FTO: variants seen among roughly 807,000 people sequenced by gnomAD.
FTO encodes the protein alpha-ketoglutarate-dependent dioxygenase FTO.
In FTO, 47 loss-of-function variants were observed where a neutral mutation model predicts 63.9. That is an observed-to-expected ratio of 0.74 (90% confidence interval 0.58 to 0.94). The LOEUF (loss-of-function observed/expected upper bound fraction) is 0.94, where lower values mean the gene tolerates loss of function less well. FTO is among the 40% of genes least tolerant of loss of function. The probability of loss-of-function intolerance (pLI) is 0.00; values close to 1 mark genes in which losing one functional copy is unlikely to be tolerated. For synonymous variants in FTO, 207 were observed against 224.4 expected (o/e 0.92, Z 0.69); for missense variants, 562 against 618.1 (o/e 0.91, Z 0.96).
At chr16:53,774,260 C>T (rs950638971) in intron 1 of FTO, among the ~76,000 whole-genome samples, 1 of 152,132 alleles carries the variant, frequency 6.6e-6, no homozygotes, top group Non-Finnish European at 1.5e-5. Flanking sequence ...TTATAATACG[C>T]ACCCTTGTGT....
chr16:54,016,970 TG>T (rs1377833767), intron 8 of FTO, among the ~76,000 whole-genome samples: 2 of 152,198 alleles, frequency 1.3e-5, no homozygotes, highest in Non-Finnish European at 2.9e-5. Flanking sequence ...CTTGATTATT[TG>T]TTCCATGTTG....
intron 8 of FTO, among the ~76,000 whole-genome samples, chr16:54,081,657 G>A (rs2086144980): frequency 6.6e-6 from 1 of 152,200 alleles, no homozygotes; most frequent in Admixed American, 6.5e-5. Context: ...ATTGTTTGGA[G>A]ATAGGGCATG....
intron 1 of FTO, among the ~76,000 whole-genome samples, chr16:53,792,386 A>G (rs1228023624): frequency 6.6e-6 from 1 of 152,226 alleles, no homozygotes; most frequent in Non-Finnish European, 1.5e-5. Context: ...TCTGATGATT[A>G]TACAGCCTGT....
At chr16:53,916,372 C>A (rs1405044641) in intron 7 of FTO, among the ~76,000 whole-genome samples, 1 of 151,996 alleles carries the variant, frequency 6.6e-6, no homozygotes, top group Non-Finnish European at 1.5e-5. Flanking sequence ...ACAATCGTTT[C>A]TTTTATTCTA....
intron 1 of FTO, among the ~76,000 whole-genome samples, chr16:53,724,971 C>T (rs2076122008): frequency 6.6e-6 from 1 of 152,150 alleles, no homozygotes; most frequent in Non-Finnish European, 1.5e-5. Flanking sequence ...GGATCTGCCT[C>T]TCCTAAATTC....
intron 1 of FTO, among the ~76,000 whole-genome samples, chr16:53,746,388 G>C (rs1408451894): frequency 6.6e-6 from 1 of 152,094 alleles, no homozygotes; most frequent in Non-Finnish European, 1.5e-5. Flanking sequence ...CAGGTAACTT[G>C]AGCAAGACAA....
chr16:54,075,222 A>G (rs2144482968), intron 8 of FTO, among the ~76,000 whole-genome samples: 1 of 152,266 alleles, frequency 6.6e-6, no homozygotes, highest in Admixed American at 6.5e-5. Context: ...AGAGATCATT[A>G]GATTGGATTT....
chr16:53,754,530 C>T (rs774019286), intron 1 of FTO, among the ~76,000 whole-genome samples: 3 of 152,000 alleles, frequency 2.0e-5, no homozygotes, highest in African/African-American at 4.8e-5. Flanking sequence ...CCCAGCTATT[C>T]GGGAGGCTGA....
intron 8 of FTO, among the ~76,000 whole-genome samples, chr16:54,105,702 C>T (rs1233202333): frequency 6.6e-6 from 1 of 152,000 alleles, no homozygotes; most frequent in Non-Finnish European, 1.5e-5. Context: ...AGAATTCCCT[C>T]TTAGGAGTTC....
intron 8 of FTO, among the ~76,000 whole-genome samples, chr16:54,029,740 G>C (rs2084788136): frequency 6.6e-6 from 1 of 152,142 alleles, no homozygotes; most frequent in South Asian, 2.1e-4. Flanking sequence ...TGGTGACGGG[G>C]AGAATGATAT....
At chr16:53,927,134 C>T (rs574953751) in intron 7 of FTO, among the ~76,000 whole-genome samples, 19 of 152,292 alleles carry the variant, frequency 1.2e-4, no homozygotes, top group African/African-American at 3.9e-4. Flanking sequence ...GTGAGATGGA[C>T]ACAGACAGAT....
chr16:53,845,083 T>C (rs566026253), intron 4 of FTO, among the ~76,000 whole-genome samples: 85 of 152,304 alleles, frequency 5.6e-4, no homozygotes, highest in African/African-American at 2.0e-3. Context: ...TTTTCTTCTT[T>C]GCTGTAAGTT....
intron 8 of FTO, among the ~76,000 whole-genome samples, chr16:54,103,985 A>G (rs1258237851): frequency 6.6e-6 from 1 of 152,178 alleles, no homozygotes; most frequent in African/African-American, 2.4e-5. Context: ...AGAATTATAC[A>G]TGGAAATCCC....
At chr16:53,805,067 T>G (rs2078327321) in intron 1 of FTO, among the ~76,000 whole-genome samples, 1 of 152,212 alleles carries the variant, frequency 6.6e-6, no homozygotes, top group Non-Finnish European at 1.5e-5. Context: ...CATCACTGTA[T>G]TTTGAAAAGA....
At position 53,910,442 on chromosome 16, in the gene FTO, T is replaced by C. The variant is rs536313604; in HGVS notation, c.1239+21491T>C. 3.3e-5 allele frequency among the ~76,000 whole-genome samples: 5 copies of C among 152,256 alleles called. No individual in the cohort carries two copies. The South Asian group carries it at 6.2e-4, about 19-fold the overall frequency. On this transcript the variant is annotated intron_variant, in intron 7 of 8. Coordinates refer to ENST00000471389, the MANE Select transcript of FTO (RefSeq NM_001080432.3). ...GACTAGAGAGGAGAGGCTGGAGGCA[T>C]GGGGACCTGCTGCAAAAATTTTGCT...
chr16:53,946,364 A>T (rs1173262381), intron 8 of FTO, among the ~76,000 whole-genome samples: 1 of 151,702 alleles, frequency 6.6e-6, no homozygotes, highest in African/African-American at 2.4e-5. Flanking sequence ...GTTTGATGGG[A>T]CTCTTCTGAT....
chr16:53,800,942 A>T (rs1021013872), intron 1 of FTO, among the ~76,000 whole-genome samples: 4 of 152,104 alleles, frequency 2.6e-5, no homozygotes, highest in Non-Finnish European at 5.9e-5. Context: ...ATACAATTTC[A>T]CAATGTCTTG....
chr16:53,712,525 C>G (rs982129031), intron 1 of FTO, among the ~76,000 whole-genome samples: 10 of 152,136 alleles, frequency 6.6e-5, no homozygotes, highest in Admixed American at 1.3e-4. Context: ...AATACTGTAC[C>G]TTACTTGAAA....
chr16:53,852,395 T>A (rs923585938), intron 4 of FTO, among the ~76,000 whole-genome samples: 1 of 152,232 alleles, frequency 6.6e-6, no homozygotes, highest in Non-Finnish European at 1.5e-5. Context: ...CCTTAATTAC[T>A]TTCCTTAGAA....
Sources: allele counts gnomAD v4.1 joint callset (sites outside exome capture counted in the v4.1 genomes callset), GRCh38; gene constraint gnomAD v4.1.1; transcripts MANE v1.5; gene names NCBI Gene and HGNC (gene_info 2026-07-23, HGNC 2026-07-21).